The following NELL1 variants were observed in gnomAD, a reference collection of about 807,000 sequenced individuals.
NELL1 encodes protein kinase C-binding protein NELL1.
Under a neutral mutation model 107.4 loss-of-function variants are expected in NELL1, and 76 were observed. That is an observed-to-expected ratio of 0.71 (90% CI 0.59 to 0.86). The LOEUF (loss-of-function observed/expected upper bound fraction) is 0.86. Ranked by LOEUF, NELL1 falls within the 40% of genes least tolerant of loss-of-function variation. NELL1 has a pLI of 0.00. For missense variants in NELL1, 1,024 were observed against 1,005.5 expected (o/e 1.02, Z -0.25); for synonymous variants, 353 against 341.2 (o/e 1.03, Z -0.38).
At chr11:21,033,176 G>C (rs567200084) in intron 12 of NELL1, among the ~76,000 whole-genome samples, 21 of 152,070 alleles carry the variant, frequency 1.4e-4, no homozygotes, top group African/African-American at 5.1e-4. Context: ...GCTTTATTAT[G>C]ATTTATCCAG....
chr11:20,798,725 G>C (rs757614373), intron 3 of NELL1, among the ~76,000 whole-genome samples: 13 of 152,174 alleles, frequency 8.5e-5, no homozygotes, highest in Admixed American at 1.3e-4. Context: ...GTGATTCTGG[G>C]CCAGGAGTCA....
At chr11:21,297,017 G>T (rs1849389134) in intron 14 of NELL1, among the ~76,000 whole-genome samples, 1 of 150,790 alleles carries the variant, frequency 6.6e-6, no homozygotes. Flanking sequence ...TTCTTTAGAT[G>T]TTGTCATTAA....
intron 13 of NELL1, among the ~76,000 whole-genome samples, chr11:21,188,607 A>G (rs1213610377): frequency 1.3e-5 from 2 of 151,864 alleles, no homozygotes; most frequent in Admixed American, 6.6e-5. Context: ...ATTAAATAAA[A>G]AAAATTTATT....
intron 13 of NELL1, among the ~76,000 whole-genome samples, chr11:21,206,638 C>A (rs1439688051): frequency 6.6e-6 from 1 of 152,122 alleles, no homozygotes; most frequent in Non-Finnish European, 1.5e-5. Flanking sequence ...GTTGACTGAG[C>A]CTCAAAGCAT....
At chr11:21,532,195 C>G (rs1335915605) in intron 15 of NELL1, among the ~76,000 whole-genome samples, 1 of 152,090 alleles carries the variant, frequency 6.6e-6, no homozygotes, top group Non-Finnish European at 1.5e-5. Flanking sequence ...CCATGCAAGC[C>G]AGGGATTCCC....
At chr11:21,286,209 C>CAACT (rs1849111671) in intron 14 of NELL1, among the ~76,000 whole-genome samples, 1 of 152,186 alleles carries the variant, frequency 6.6e-6, no homozygotes, top group African/African-American at 2.4e-5. Context: ...AGGATTTGGA[C>CAACT]AACTGAAAGC....
At chr11:20,749,016 AGGGTTAGAAT>A (rs1488214948) in intron 2 of NELL1, among the ~76,000 whole-genome samples, 2 of 151,858 alleles carry the variant, frequency 1.3e-5, no homozygotes, top group East Asian at 3.9e-4. Context: ...TTTAAGCAAT[AGGGTTAGAAT>A]GGAGAACAAA....
chr11:21,180,506 TTTTC>T (rs1354873063), intron 13 of NELL1, among the ~76,000 whole-genome samples: 2 of 151,932 alleles, frequency 1.3e-5, no homozygotes, highest in East Asian at 3.9e-4. Flanking sequence ...AGTAGACAAT[TTTTC>T]TTTCTGTGAA....
rs183502263 is a variant in NELL1, at chr11:21,050,525, G to A, written c.1301-63064G>A. 3.7e-3 allele frequency among the ~76,000 whole-genome samples: 561 copies of A among 152,026 alleles called. 4 individuals carry two copies. The highest frequency in any genetic ancestry group is 0.013 in the African/African-American group (521 of 41,468). On this transcript the variant is annotated intron_variant, in intron 12 of 19. Transcript: ENST00000357134. ...TAAAATATACAGTGTTATCTGACTC[G>A]GAGAAGAGAAATTATTTCTAAATCT... is the stretch of plus-strand genomic sequence containing the variant.
intron 15 of NELL1, among the ~76,000 whole-genome samples, chr11:21,410,956 C>T (rs1375363670): frequency 1.3e-5 from 2 of 152,010 alleles, no homozygotes; most frequent in African/African-American, 2.4e-5. Context: ...ATGGTGATAT[C>T]TTCTGAAGAG....
At chr11:21,102,702 C>T (rs1164977787) in intron 12 of NELL1, among the ~76,000 whole-genome samples, 1 of 152,168 alleles carries the variant, frequency 6.6e-6, no homozygotes, top group East Asian at 1.9e-4. Flanking sequence ...ACATTATGGG[C>T]ACCAGATTCT....
At chr11:20,891,127 C>G (rs561596599) in intron 5 of NELL1, among the ~76,000 whole-genome samples, 3 of 152,292 alleles carry the variant, frequency 2.0e-5, no homozygotes, top group Admixed American at 2.0e-4. Flanking sequence ...ACCAAGTCAC[C>G]TACAAAGGGA....
intron 13 of NELL1, among the ~76,000 whole-genome samples, chr11:21,184,049 C>T (rs1856882423): frequency 6.6e-6 from 1 of 151,762 alleles, no homozygotes. Flanking sequence ...GCAGTAGCAC[C>T]ATTCCTAAAC....
At chr11:21,053,957 T>C (rs993731686) in intron 12 of NELL1, among the ~76,000 whole-genome samples, 1 of 152,168 alleles carries the variant, frequency 6.6e-6, no homozygotes, top group Non-Finnish European at 1.5e-5. Context: ...CTTAGTTTTT[T>C]TCCCCATTCA....
intron 13 of NELL1, among the ~76,000 whole-genome samples, chr11:21,114,263 G>A (rs1248240775): frequency 2.0e-5 from 3 of 152,050 alleles, no homozygotes; most frequent in Non-Finnish European, 2.9e-5. Flanking sequence ...TTGGAGTAGC[G>A]CTGGTTTTAT....
At chr11:21,441,145 G>C (rs919445775) in intron 15 of NELL1, among the ~76,000 whole-genome samples, 1 of 151,950 alleles carries the variant, frequency 6.6e-6, no homozygotes, top group Non-Finnish European at 1.5e-5. Flanking sequence ...CACAGAACTG[G>C]GGCTATTCTC....
At chr11:21,208,489 T>G (rs1857434793) in intron 13 of NELL1, among the ~76,000 whole-genome samples, 1 of 151,622 alleles carries the variant, frequency 6.6e-6, no homozygotes, top group African/African-American at 2.4e-5. Context: ...AGCACTTGAT[T>G]GAATTACTAC....
At chr11:21,103,814 A>G (rs921867166) in intron 12 of NELL1, among the ~76,000 whole-genome samples, 4 of 152,094 alleles carry the variant, frequency 2.6e-5, no homozygotes, top group African/African-American at 9.7e-5. Flanking sequence ...AACAATTATT[A>G]TTTTCTGGGG....
At chr11:21,288,984 G>A (rs1431803546) in intron 14 of NELL1, among the ~76,000 whole-genome samples, 1 of 152,182 alleles carries the variant, frequency 6.6e-6, no homozygotes, top group African/African-American at 2.4e-5. Context: ...CAAGGCTGTA[G>A]ACCTCTTAAG....
Sources: allele counts gnomAD v4.1 joint callset (sites outside exome capture counted in the v4.1 genomes callset), GRCh38; gene constraint gnomAD v4.1.1; transcripts MANE v1.5; gene names NCBI Gene and HGNC (gene_info 2026-07-23, HGNC 2026-07-21).